ANTXR1: variants seen among roughly 807,000 people sequenced by gnomAD.
ANTXR1 encodes ANTXR cell adhesion molecule 1.
Under a neutral mutation model 78.1 loss-of-function variants are expected in ANTXR1, and 19 were observed. The ratio of observed to expected loss-of-function variants is 0.24; its 90% CI spans 0.17 to 0.36. The LOEUF is 0.36. Among genes scored for constraint, ANTXR1 ranks in the 10% least tolerant of loss-of-function variants. ANTXR1 has a pLI of 1.00. For missense variants in ANTXR1, 518 were observed against 718.6 expected (o/e 0.72, Z 3.19); for synonymous variants, 273 against 260.5 (o/e 1.05, Z -0.46).
intron 8 of ANTXR1, among the ~76,000 whole-genome samples, chr2:69,087,598 C>T (rs1198587645): frequency 6.6e-6 from 1 of 152,192 alleles, no homozygotes; most frequent in African/African-American, 2.4e-5. Context: ...TTGAGGCATG[C>T]AGTTATCTTA....
intron 17 of ANTXR1, among the ~76,000 whole-genome samples, chr2:69,213,395 A>C (rs965167031): frequency 6.6e-6 from 1 of 152,150 alleles, no homozygotes; most frequent in African/African-American, 2.4e-5. Flanking sequence ...ACATTCCCAC[A>C]TCTGCTTCCT....
rs13393201 is a variant in ANTXR1 at position 69,040,172 on chromosome 2, T to C, written c.224+57T>C. On this transcript the variant is annotated intron_variant, in intron 2 of 17. Coordinates refer to ENST00000303714, the MANE Select transcript of ANTXR1 (RefSeq NM_032208.3). ...AGTTCTCTGTCATGAGTCAAACTAGTCCATGTTTGCTATTCTATTAATTAC... is the reference window on the plus strand; with the variant it reads ...AGTTCTCTGTCATGAGTCAAACTAGCCCATGTTTGCTATTCTATTAATTAC... The C allele has an allele frequency of 5.2e-3, 7,705 of 1,475,156 alleles. 367 individuals carry two copies. The African/African-American group carries it at 0.096, about 18-fold the overall frequency. The allele number at this position is 1,475,156 out of a possible 1,614,324, so 91.4% of individuals were successfully genotyped here. A position where few individuals can be genotyped will look rare whatever the true frequency, so the allele number is the denominator to read the frequency against.
At chr2:69,176,249 T>C (rs1290034154) in intron 14 of ANTXR1, among the ~76,000 whole-genome samples, 1 of 152,110 alleles carries the variant, frequency 6.6e-6, no homozygotes, top group Non-Finnish European at 1.5e-5. Flanking sequence ...ACAATCCTTG[T>C]GTTGTCTTTA....
intron 12 of ANTXR1, among the ~76,000 whole-genome samples, chr2:69,132,650 G>A (rs571308194): frequency 1.1e-4 from 17 of 152,204 alleles, no homozygotes; most frequent in Non-Finnish European, 2.2e-4. Flanking sequence ...TCTTTTCCAA[G>A]GTCAGCAAAC....
rs143008560 is a variant in ANTXR1 at position 69,236,324 on chromosome 2, ATG to A, written c.1435-8896_1435-8895del. 3.2e-4 allele frequency among the ~76,000 whole-genome samples: 48 copies of A among 152,294 alleles called. No individual in the cohort carries two copies. In the East Asian group the frequency reaches 9.3e-3, roughly 29 times the overall value. ...TGAGTTTGTGTATATATATGTGTGT[ATG>A]TGTGAGTGTATATATGTATATGTAT... On this transcript the variant is annotated intron_variant, in intron 17 of 17. Transcript: ENST00000303714.
At chr2:69,058,475 A>G (rs1339494164) in intron 3 of ANTXR1, among the ~76,000 whole-genome samples, 1 of 152,146 alleles carries the variant, frequency 6.6e-6, no homozygotes, top group Non-Finnish European at 1.5e-5. Flanking sequence ...ATGACAGCAC[A>G]TCTGTTTACT....
intron 17 of ANTXR1, among the ~76,000 whole-genome samples, chr2:69,211,249 A>G (rs956291652): frequency 6.6e-6 from 1 of 152,224 alleles, no homozygotes; most frequent in Non-Finnish European, 1.5e-5. Flanking sequence ...TTCTTGGCAT[A>G]TAGGCTGAAC....
intron 12 of ANTXR1, among the ~76,000 whole-genome samples, chr2:69,148,096 A>C (rs903440500): frequency 6.6e-6 from 1 of 152,168 alleles, no homozygotes; most frequent in African/African-American, 2.4e-5. Context: ...TGTCAACAGC[A>C]TTTGCTTTCC....
At chr2:69,124,517 C>A (rs2104380067) in intron 11 of ANTXR1, 48 bp from the exon 12 acceptor site, 2 of 1,549,006 alleles carry the variant, frequency 1.3e-6, no homozygotes, top group Non-Finnish European at 1.8e-6. Context: ...CAGCCTGTTG[C>A]TCATTGCACG....
At chr2:69,239,266 A>G (rs1378297887) in intron 17 of ANTXR1, among the ~76,000 whole-genome samples, 1 of 152,214 alleles carries the variant, frequency 6.6e-6, no homozygotes, top group African/African-American at 2.4e-5. Context: ...AAGGTTTCAA[A>G]GGAATTCAAA....
intron 17 of ANTXR1, among the ~76,000 whole-genome samples, chr2:69,219,469 A>G (rs150208049): frequency 8.9e-4 from 132 of 148,978 alleles, no homozygotes; most frequent in African/African-American, 3.2e-3. Context: ...CCAACTGGCT[A>G]TGAGTACATC....
intron 14 of ANTXR1, among the ~76,000 whole-genome samples, chr2:69,172,984 C>T (rs1188745179): frequency 6.6e-6 from 1 of 152,202 alleles, no homozygotes; most frequent in East Asian, 1.9e-4. Context: ...AGTAATGGAG[C>T]ACTTCATGTG....
intron 3 of ANTXR1, among the ~76,000 whole-genome samples, chr2:69,056,505 C>T (rs1670071038): frequency 1.3e-5 from 2 of 152,044 alleles, no homozygotes; most frequent in African/African-American, 4.8e-5. Flanking sequence ...TACCCACCAA[C>T]CACGCTTGTG....
intron 1 of ANTXR1, among the ~76,000 whole-genome samples, chr2:69,030,862 ATTATC>A (rs976986482): frequency 1.9e-4 from 29 of 152,260 alleles, no homozygotes; most frequent in African/African-American, 7.0e-4. Context: ...AGATTTGTAT[ATTATC>A]TTGTCGTGAG....
intron 16 of ANTXR1, among the ~76,000 whole-genome samples, chr2:69,186,115 T>C (rs1011021018): frequency 1.3e-5 from 2 of 152,144 alleles, no homozygotes; most frequent in Non-Finnish European, 2.9e-5. Flanking sequence ...TGAACGGTAA[T>C]TATGAAACCA....
intron 3 of ANTXR1, among the ~76,000 whole-genome samples, chr2:69,054,414 C>T (rs951010258): frequency 5.9e-5 from 9 of 152,174 alleles, no homozygotes; most frequent in African/African-American, 9.7e-5. Flanking sequence ...AGCCTATGCC[C>T]GCTATACATT....
intron 16 of ANTXR1, among the ~76,000 whole-genome samples, chr2:69,190,900 C>T (rs1215999490): frequency 6.6e-6 from 1 of 152,214 alleles, no homozygotes; most frequent in Admixed American, 6.5e-5. Flanking sequence ...TGCCCCATCT[C>T]ATTGCCCATT....
chr2:69,085,304 C>T (rs1171948791), intron 8 of ANTXR1, among the ~76,000 whole-genome samples: 2 of 152,062 alleles, frequency 1.3e-5, no homozygotes, highest in Non-Finnish European at 2.9e-5. Context: ...ACAAAGCGGC[C>T]GACCTAATAC....
chr2:69,025,041 C>T (rs1671301501), intron 1 of ANTXR1, among the ~76,000 whole-genome samples: 2 of 152,204 alleles, frequency 1.3e-5, no homozygotes, highest in South Asian at 2.1e-4. Flanking sequence ...TTACCATATC[C>T]CACATCTTTT....
Sources: allele counts gnomAD v4.1 joint callset (sites outside exome capture counted in the v4.1 genomes callset), GRCh38; gene constraint gnomAD v4.1.1; transcripts MANE v1.5; gene names NCBI Gene and HGNC (gene_info 2026-07-23, HGNC 2026-07-21).